Variants in DMD observed in about 807,000 individuals in gnomAD.
DMD encodes the protein mutant dystrophin.
Under a neutral mutation model 330.1 loss-of-function variants are expected in DMD, and 63 were observed. The observed-to-expected ratio is 0.19, with a 90% confidence interval of 0.16 to 0.24. The LOEUF (loss-of-function observed/expected upper bound fraction) is 0.24, where lower values mean the gene tolerates loss of function less well. Ranked by LOEUF, DMD falls within the 10% of genes least tolerant of loss-of-function variation. DMD has a pLI of 1.00. For missense variants in DMD, 3,344 were observed against 2,684.1 expected (o/e 1.25, Z -5.43); for synonymous variants, 1,223 against 959.8 (o/e 1.27, Z -5.07).
rs1287453583 is a variant in DMD, at chrX:31,181,738, G to A, written c.9974+1000C>T. Among the ~76,000 whole-genome samples the A allele has an allele frequency of 3.6e-5, 4 of 112,411 alleles. No individual in the cohort carries two copies. In the East Asian group the frequency reaches 1.1e-3, roughly 31 times the overall value. Reference sequence around the variant, plus strand: ...AAAAAGCACTATGAATAAAAAGCACGCAACAGTACAAGGTAGTTATTAGAA... The same window carrying A: ...AAAAAGCACTATGAATAAAAAGCACACAACAGTACAAGGTAGTTATTAGAA... On this transcript the variant is annotated intron_variant, in intron 68 of 78. Coordinates refer to ENST00000357033, the MANE Select transcript of DMD (RefSeq NM_004006.3).
chrX:32,609,590 T>A (rs146074766), intron 12 of DMD, among the ~76,000 whole-genome samples: 1 of 111,364 alleles, frequency 9.0e-6, no homozygotes, highest in East Asian at 2.8e-4. Context: ...GGCAGAATTA[T>A]ACCTAATCCT....
At chrX:32,968,229 T>G (rs1438895850) in intron 2 of DMD, among the ~76,000 whole-genome samples, 1 of 92,877 alleles carries the variant, frequency 1.1e-5, no homozygotes, top group Non-Finnish European at 2.1e-5. Flanking sequence ...TTACTTGAGC[T>G]GTTTCCAACT....
intron 1 of DMD, among the ~76,000 whole-genome samples, chrX:33,193,994 G>A (rs1436976988): frequency 1.8e-5 from 2 of 110,179 alleles, no homozygotes; most frequent in East Asian, 2.8e-4. Context: ...ATATAATCTA[G>A]TAGCGGAGAT....
intron 62 of DMD, among the ~76,000 whole-genome samples, chrX:31,321,108 T>A (rs747533091): frequency 1.8e-5 from 2 of 111,676 alleles, no homozygotes; most frequent in Non-Finnish European, 1.9e-5. Flanking sequence ...TTTTTTAAAG[T>A]AAGAATTTAC....
intron 15 of DMD, among the ~76,000 whole-genome samples, chrX:32,569,972 T>C (rs1381355059): frequency 1.8e-5 from 2 of 111,775 alleles, no homozygotes; most frequent in African/African-American, 3.3e-5. Context: ...CCTTCATTTT[T>C]ATCCCTGATG....
intron 62 of DMD, among the ~76,000 whole-genome samples, chrX:31,313,541 A>G (rs1217410345): frequency 1.8e-5 from 2 of 112,133 alleles, no homozygotes; most frequent in Non-Finnish European, 3.8e-5. Context: ...TTTTATTCGT[A>G]TAAATTTCTG....
intron 7 of DMD, among the ~76,000 whole-genome samples, chrX:32,782,479 T>C (rs1429552015): frequency 9.0e-6 from 1 of 111,439 alleles, no homozygotes; most frequent in African/African-American, 3.3e-5. Flanking sequence ...TATGTAAATA[T>C]CATGCTAGAT....
intron 4 of DMD, among the ~76,000 whole-genome samples, chrX:32,836,972 CTGGCTCTGGT>C (rs1408778071): frequency 2.4e-4 from 27 of 111,546 alleles, no homozygotes; most frequent in Non-Finnish European, 3.8e-5. Context: ...TCTTTCTTTT[CTGGCTCTGGT>C]TGTCTCCAGA....
At chrX:32,211,011 A>G (rs1459113250) in intron 44 of DMD, among the ~76,000 whole-genome samples, 1 of 112,097 alleles carries the variant, frequency 8.9e-6, no homozygotes, top group African/African-American at 3.2e-5. Context: ...TCAATCACTA[A>G]TAACCATGGT....
At chrX:32,853,596 T>A (rs1217677690) in intron 2 of DMD, among the ~76,000 whole-genome samples, 2 of 109,674 alleles carry the variant, frequency 1.8e-5, no homozygotes, top group African/African-American at 6.6e-5. Context: ...TCACAAAATT[T>A]AAAAAGCAAG....
chrX:31,951,151 ATATATATG>A (rs1360099943), intron 45 of DMD, among the ~76,000 whole-genome samples: 1 of 80,015 alleles, frequency 1.2e-5, no homozygotes, highest in African/African-American at 6.0e-5. Flanking sequence ...GTGTATATAT[ATATATATG>A]TATATATATA....
intron 30 of DMD, among the ~76,000 whole-genome samples, chrX:32,400,593 C>A (rs1229851417): frequency 9.0e-6 from 1 of 110,692 alleles, no homozygotes; most frequent in Admixed American, 9.6e-5. Flanking sequence ...CTCATCATCA[C>A]TGGCCATCAG....
chrX:32,410,979 T>A (rs2098139412), intron 30 of DMD, among the ~76,000 whole-genome samples: 1 of 111,746 alleles, frequency 8.9e-6, no homozygotes, highest in Non-Finnish European at 1.9e-5. Context: ...GCATGATCAT[T>A]AATAATTGAG....
At chrX:32,524,401 C>T (rs970713617) in intron 17 of DMD, among the ~76,000 whole-genome samples, 2 of 111,955 alleles carry the variant, frequency 1.8e-5, no homozygotes, top group African/African-American at 6.5e-5. Flanking sequence ...AGAACAGAGA[C>T]GAGAATGCAT....
At chrX:31,153,694 A>G (rs1265683170) in intron 74 of DMD, among the ~76,000 whole-genome samples, 1 of 112,090 alleles carries the variant, frequency 8.9e-6, no homozygotes, top group Non-Finnish European at 1.9e-5. Context: ...TATTAATTCA[A>G]GCCTTAATTC....
chrX:32,165,767 C>T (rs920267787), intron 44 of DMD, among the ~76,000 whole-genome samples: 6 of 111,282 alleles, frequency 5.4e-5, no homozygotes, highest in Non-Finnish European at 1.1e-4. Context: ...TCCTTATAAT[C>T]CCCATAATCC....
At chrX:31,568,966 A>G (rs1225995022) in intron 55 of DMD, among the ~76,000 whole-genome samples, 1 of 110,738 alleles carries the variant, frequency 9.0e-6, no homozygotes, top group Non-Finnish European at 1.9e-5. Flanking sequence ...TACGATACGC[A>G]TTAACATTGC....
At chrX:32,748,345 C>CA (rs776751298) in intron 7 of DMD, among the ~76,000 whole-genome samples, 1,341 of 48,375 alleles carry the variant, frequency 0.028, 16 homozygotes, top group Middle Eastern at 0.1. Context: ...GACTCCGTCT[C>CA]AAAAAAAAAA....
At chrX:31,560,536 G>T (rs1247480434) in intron 55 of DMD, among the ~76,000 whole-genome samples, 1 of 111,337 alleles carries the variant, frequency 9.0e-6, no homozygotes, top group Non-Finnish European at 1.9e-5. Context: ...AAACTCCTTT[G>T]CAACTTATAT....
Sources: allele counts gnomAD v4.1 joint callset (sites outside exome capture counted in the v4.1 genomes callset), GRCh38; gene constraint gnomAD v4.1.1; transcripts MANE v1.5; gene names NCBI Gene and HGNC (gene_info 2026-07-23, HGNC 2026-07-21).